DLG2: variants seen among roughly 807,000 people sequenced by gnomAD.
DLG2 encodes the protein discs large MAGUK scaffold protein 2.
A neutral mutation model predicts 132.5 loss-of-function variants in DLG2; 45 were observed. The observed-to-expected ratio is 0.34, with a 90% CI of 0.27 to 0.44. The LOEUF (loss-of-function observed/expected upper bound fraction) is 0.44. DLG2 is among the 20% of genes least tolerant of loss of function. The pLI is 1.00. For synonymous variants in DLG2, 424 were observed against 419.6 expected, an observed-to-expected ratio of 1.01 and a Z score of -0.13; for missense variants, 1,045 against 1,196.9, an observed-to-expected ratio of 0.87 and a Z score of 1.87.
At chr11:85,552,702 TG>T (rs1481101900) in intron 3 of DLG2, among the ~76,000 whole-genome samples, 1 of 151,482 alleles carries the variant, frequency 6.6e-6, no homozygotes, top group Non-Finnish European at 1.5e-5. Flanking sequence ...AACTATTACA[TG>T]GGAAGATGAG....
intron 19 of DLG2, among the ~76,000 whole-genome samples, chr11:83,559,529 A>G (rs888294378): frequency 1.3e-5 from 2 of 152,216 alleles, no homozygotes; most frequent in Non-Finnish European, 2.9e-5. Flanking sequence ...GGCTAGAGAC[A>G]GATTTAAGTT....
At chr11:85,317,219 G>T (rs952570252) in intron 3 of DLG2, among the ~76,000 whole-genome samples, 1 of 151,932 alleles carries the variant, frequency 6.6e-6, no homozygotes, top group Non-Finnish European at 1.5e-5. Context: ...AGAGGATGTG[G>T]TAAAGCTGCA....
intron 14 of DLG2, among the ~76,000 whole-genome samples, chr11:83,932,274 A>G (rs1453391077): frequency 1.3e-5 from 2 of 150,598 alleles, no homozygotes; most frequent in Admixed American, 6.6e-5. Flanking sequence ...TCACTCTGTC[A>G]CCCAGGCTGG....
chr11:85,305,826 T>C (rs867192490), intron 3 of DLG2, among the ~76,000 whole-genome samples: 1 of 152,210 alleles, frequency 6.6e-6, no homozygotes, highest in African/African-American at 2.4e-5. Context: ...TTTCTTTCTT[T>C]TATACTGTGA....
At chr11:84,758,336 G>A (rs185520746) in intron 6 of DLG2, among the ~76,000 whole-genome samples, 1 of 152,258 alleles carries the variant, frequency 6.6e-6, no homozygotes, top group African/African-American at 2.4e-5. Flanking sequence ...GTTGAATTCT[G>A]GCTCTTAACA....
At chr11:84,464,587 T>A (rs1197783829) in intron 7 of DLG2, among the ~76,000 whole-genome samples, 1 of 151,230 alleles carries the variant, frequency 6.6e-6, no homozygotes, top group East Asian at 1.9e-4. Context: ...AGCTTTTTTA[T>A]CTTTTCAGAG....
At chr11:85,398,492 T>G (rs553857455) in intron 3 of DLG2, among the ~76,000 whole-genome samples, 1 of 152,172 alleles carries the variant, frequency 6.6e-6, no homozygotes, top group African/African-American at 2.4e-5. Flanking sequence ...ATCCAGGAGC[T>G]GGATTTTTGA....
intron 4 of DLG2, among the ~76,000 whole-genome samples, chr11:85,206,719 T>A (rs1312397834): frequency 6.6e-6 from 1 of 151,966 alleles, no homozygotes; most frequent in Non-Finnish European, 1.5e-5. Flanking sequence ...TGTAATCCCA[T>A]CTACTTGGGA....
chr11:84,429,140 C>T (rs1208084968), intron 7 of DLG2, among the ~76,000 whole-genome samples: 1 of 152,212 alleles, frequency 6.6e-6, no homozygotes, highest in African/African-American at 2.4e-5. Flanking sequence ...TTACATTCTT[C>T]TTACTAATGG....
chr11:84,624,956 C>CACG (rs2099620027), intron 6 of DLG2, among the ~76,000 whole-genome samples: 1 of 142,582 alleles, frequency 7.0e-6, no homozygotes, highest in African/African-American at 2.7e-5. Flanking sequence ...CTCCCGGGTT[C>CACG]ACGCCATTCT....
chr11:83,531,138 A>G (rs909292613), intron 21 of DLG2, among the ~76,000 whole-genome samples: 15 of 151,880 alleles, frequency 9.9e-5, no homozygotes, highest in African/African-American at 3.6e-4. Context: ...AGCAAAAATA[A>G]CAAAAGAAAA....
At chr11:84,722,353 T>C (rs1167672983) in intron 6 of DLG2, among the ~76,000 whole-genome samples, 3 of 152,182 alleles carry the variant, frequency 2.0e-5, no homozygotes, top group African/African-American at 7.2e-5. Context: ...CCGAAACTAA[T>C]AAGAGCCTCA....
intron 3 of DLG2, among the ~76,000 whole-genome samples, chr11:85,298,911 C>T (rs1455299896): frequency 6.6e-6 from 1 of 152,088 alleles, no homozygotes; most frequent in Admixed American, 6.5e-5. Context: ...ACTGTACTTT[C>T]ACATTTGAGA....
intron 6 of DLG2, among the ~76,000 whole-genome samples, chr11:84,860,348 C>T (rs145188122): frequency 1.7e-3 from 260 of 152,088 alleles, no homozygotes; most frequent in African/African-American, 5.9e-3. Flanking sequence ...GGGACAAGTA[C>T]AATAGCAGAG....
In DLG2 at chr11:85,018,310, T is replaced by C. The variant is rs79303652; in HGVS notation, c.357+93351A>G. Reference sequence around the variant, plus strand: ...CATGAAACTAACAAGGAGACACAAATATGCAAAATCACTGATAATCGCAGT... The same window carrying C: ...CATGAAACTAACAAGGAGACACAAACATGCAAAATCACTGATAATCGCAGT... On this transcript the variant is annotated intron_variant, in intron 6 of 27. Coordinates refer to ENST00000376104, the MANE Select transcript of DLG2 (RefSeq NM_001142699.3). Among the ~76,000 whole-genome samples the C allele has an allele frequency of 6.6e-3, 998 of 152,282 alleles. 10 individuals are homozygous for C. The highest frequency in any genetic ancestry group is 0.023 in the African/African-American group (949 of 41,562).
chr11:83,456,931 CA>C lies in DLG2; in HGVS notation c.*2886del, dbSNP rs2135857017. The C allele has an allele frequency of 6.5e-6, 1 of 152,754 alleles. No individual in the cohort carries two copies. Among genetic ancestry groups the C allele is most frequent in the South Asian group, 2.1e-4 (1 of 4,824 alleles). The allele number at this position is 152,754 out of a possible 1,614,324, so 9.5% of individuals were successfully genotyped here. On this transcript the variant is annotated 3_prime_UTR_variant, in exon 28 of 28. Coordinates refer to ENST00000376104, the MANE Select transcript of DLG2 (RefSeq NM_001142699.3). ...GCCAAGAAATCCCGCAAAAGGCCTG[CA>C]AATAAATGGCCGACAATTCTGTGGG...
intron 4 of DLG2, among the ~76,000 whole-genome samples, chr11:85,209,595 CTTT>C (rs60317922): frequency 4.3e-5 from 5 of 116,944 alleles, no homozygotes; most frequent in African/African-American, 1.3e-4. Flanking sequence ...ACCCAGCTAA[CTTT>C]TTTTTTTTTT....
intron 7 of DLG2, among the ~76,000 whole-genome samples, chr11:84,405,471 A>T (rs2098845465): frequency 6.6e-6 from 1 of 152,198 alleles, no homozygotes; most frequent in South Asian, 2.1e-4. Flanking sequence ...AGAATATTGT[A>T]TGATTGGAAG....
At chr11:84,972,001 T>C (rs957811640) in intron 6 of DLG2, among the ~76,000 whole-genome samples, 1 of 152,070 alleles carries the variant, frequency 6.6e-6, no homozygotes, top group Non-Finnish European at 1.5e-5. Flanking sequence ...AATAAACCTA[T>C]GTTTAAGAGG....
Sources: gnomAD v4.1 joint callset for allele counts (sites outside exome capture counted in the v4.1 genomes callset) on GRCh38, gnomAD v4.1.1 for gene constraint, MANE v1.5 for transcripts, NCBI Gene and HGNC (gene_info 2026-07-23, HGNC 2026-07-21) for gene names.